SGCZ: variants seen among roughly 807,000 people sequenced by gnomAD.
SGCZ encodes the protein sarcoglycan zeta.
A neutral mutation model predicts 41.3 loss-of-function variants in SGCZ; 40 were observed. The observed-to-expected ratio is 0.97, with a 90% confidence interval of 0.75 to 1.26. The LOEUF is 1.26. Ranked by LOEUF, SGCZ falls within the 50% of genes most tolerant of loss-of-function variation. The pLI, the probability that SGCZ is intolerant of heterozygous loss-of-function variation, is 0.00. For missense variants in SGCZ, 552 were observed against 369.8 expected, an observed-to-expected ratio of 1.49 and a Z score of -4.04; for synonymous variants, 206 against 137.5, an observed-to-expected ratio of 1.50 and a Z score of -3.49.
intron 1 of SGCZ, among the ~76,000 whole-genome samples, chr8:14,891,351 C>T (rs1203682206): frequency 6.6e-6 from 1 of 152,150 alleles, no homozygotes; most frequent in Non-Finnish European, 1.5e-5. Context: ...GAAGTTGATT[C>T]CAGCAGTCAT....
At chr8:14,982,591 G>T (rs539158627) in intron 1 of SGCZ, among the ~76,000 whole-genome samples, 2 of 152,226 alleles carry the variant, frequency 1.3e-5, no homozygotes, top group African/African-American at 4.8e-5. Context: ...TAAACAAGAG[G>T]CACAGTACTT....
intron 1 of SGCZ, among the ~76,000 whole-genome samples, chr8:15,122,058 AATTT>A (rs1397381258): frequency 6.6e-6 from 1 of 152,036 alleles, no homozygotes; most frequent in Non-Finnish European, 1.5e-5. Context: ...CTAAATTACT[AATTT>A]ATTTGGCACC....
chr8:14,176,476 A>G (rs1563167937), intron 4 of SGCZ, among the ~76,000 whole-genome samples: 1 of 152,240 alleles, frequency 6.6e-6, no homozygotes. Context: ...TATTGTCAAA[A>G]CTTGGGAAAT....
At chr8:14,409,051 T>C (rs1055380267) in intron 2 of SGCZ, among the ~76,000 whole-genome samples, 1 of 151,878 alleles carries the variant, frequency 6.6e-6, no homozygotes, top group Admixed American at 6.6e-5. Context: ...ATTTCAGTTT[T>C]GATACACGAC....
chr8:14,810,814 G>C (rs995047322), intron 1 of SGCZ, among the ~76,000 whole-genome samples: 2 of 151,944 alleles, frequency 1.3e-5, no homozygotes, highest in African/African-American at 4.8e-5. Flanking sequence ...TATTTGAAGA[G>C]ACTCTTATTA....
chr8:14,731,224 T>G (rs996247337), intron 1 of SGCZ, among the ~76,000 whole-genome samples: 1 of 151,910 alleles, frequency 6.6e-6, no homozygotes, highest in East Asian at 1.9e-4. Context: ...GATGAGTTCA[T>G]GTCCTTTGCA....
intron 1 of SGCZ, among the ~76,000 whole-genome samples, chr8:15,158,134 C>T (rs1242634165): frequency 6.6e-6 from 1 of 151,466 alleles, no homozygotes; most frequent in Non-Finnish European, 1.5e-5. Context: ...CTTCTCTACT[C>T]CATCTCTTAT....
chr8:14,380,840 C>G (rs1804334515), intron 2 of SGCZ, among the ~76,000 whole-genome samples: 1 of 151,830 alleles, frequency 6.6e-6, no homozygotes, highest in African/African-American at 2.4e-5. Flanking sequence ...GCCTGGGCAA[C>G]AGAGTGAGAG....
chr8:15,146,384 G>A lies in SGCZ; in HGVS notation c.39+91201C>T, dbSNP rs188174995. The stretch of plus-strand genomic sequence containing the variant: ...CAATTTTTAAACATTTATTTATTAT[G>A]AGAAATGGAGTCTCCATATTGTCCA... On this transcript the variant is annotated intron_variant, in intron 1 of 7. Transcript: ENST00000382080. 1.3e-3 allele frequency among the ~76,000 whole-genome samples: 196 copies of A among 152,194 alleles called. 2 individuals carry two copies. The highest frequency in any genetic ancestry group is 4.0e-3 in the African/African-American group (167 of 41,522).
At chr8:14,500,610 C>G (rs937805541) in intron 2 of SGCZ, among the ~76,000 whole-genome samples, 7 of 151,748 alleles carry the variant, frequency 4.6e-5, no homozygotes. Context: ...TTACTCACTA[C>G]GAAAGATAGG....
intron 1 of SGCZ, among the ~76,000 whole-genome samples, chr8:14,983,630 C>T (rs907576576): frequency 6.6e-6 from 1 of 152,108 alleles, no homozygotes; most frequent in African/African-American, 2.4e-5. Flanking sequence ...CAGATGTGAG[C>T]CACCGTGCCC....
chr8:15,086,397 G>T (rs1462844336), intron 1 of SGCZ, among the ~76,000 whole-genome samples: 1 of 152,048 alleles, frequency 6.6e-6, no homozygotes, highest in East Asian at 1.9e-4. Context: ...ATCTAAACAT[G>T]GAAAGTATGT....
chr8:14,789,862 T>C (rs915506168), intron 1 of SGCZ, among the ~76,000 whole-genome samples: 1 of 152,168 alleles, frequency 6.6e-6, no homozygotes, highest in Non-Finnish European at 1.5e-5. Context: ...CTTCCATGTA[T>C]GTGTATTCCA....
intron 1 of SGCZ, among the ~76,000 whole-genome samples, chr8:14,609,794 A>C (rs1805867784): frequency 6.6e-6 from 1 of 152,158 alleles, no homozygotes; most frequent in African/African-American, 2.4e-5. Flanking sequence ...ATTTCTCTTT[A>C]AGTAGCACAA....
chr8:14,139,581 A>C (rs1173198899), intron 5 of SGCZ, among the ~76,000 whole-genome samples: 2 of 152,222 alleles, frequency 1.3e-5, no homozygotes, highest in Non-Finnish European at 2.9e-5. Context: ...ATAAACTAGA[A>C]AATCTAGAAG....
rs551581845 is a variant in SGCZ at position 14,438,832 on chromosome 8, C to G, written c.235-114628G>C. On this transcript the variant is annotated intron_variant, in intron 2 of 7. Coordinates refer to ENST00000382080, the MANE Select transcript of SGCZ (RefSeq NM_139167.4). ...TATACCTTAACATCATATTCTTCGA[C>G]TCAAAGCCCTATTAGCCTGTCATTT... 9.3e-4 allele frequency among the ~76,000 whole-genome samples: 142 copies of G among 152,070 alleles called. 2 individuals carry two copies. The highest frequency in any genetic ancestry group is 5.2e-3 in the South Asian group (25 of 4,814).
At chr8:14,294,196 G>C (rs975375876) in intron 3 of SGCZ, among the ~76,000 whole-genome samples, 1 of 151,808 alleles carries the variant, frequency 6.6e-6, no homozygotes, top group Non-Finnish European at 1.5e-5. Flanking sequence ...TTATTTGGAA[G>C]TTTTTTAATG....
rs554899946 is a variant in SGCZ at position 14,149,491 on chromosome 8, T to C, written c.547+15089A>G. 2.0e-5 allele frequency among the ~76,000 whole-genome samples: 3 copies of C among 152,114 alleles called. No homozygotes were observed. In the South Asian group the frequency reaches 6.2e-4, roughly 32 times the overall value. On this transcript the variant is annotated intron_variant, in intron 5 of 7. Coordinates refer to ENST00000382080, the MANE Select transcript of SGCZ (RefSeq NM_139167.4). ...AGTGAAAAATGTCAGTGATGGAAAC[T>C]ATAAAACACTGGTGAAAGAAATTGA...
intron 1 of SGCZ, among the ~76,000 whole-genome samples, chr8:15,110,384 G>A (rs1052184350): frequency 6.6e-6 from 1 of 152,188 alleles, no homozygotes; most frequent in African/African-American, 2.4e-5. Flanking sequence ...TGATCATCTG[G>A]TCGTTCCTAT....
Sources: gnomAD v4.1 joint callset for allele counts (sites outside exome capture counted in the v4.1 genomes callset) on GRCh38, gnomAD v4.1.1 for gene constraint, MANE v1.5 for transcripts, NCBI Gene and HGNC (gene_info 2026-07-23, HGNC 2026-07-21) for gene names.